The following MED12L variants were observed in gnomAD, a reference collection of about 807,000 sequenced individuals.
MED12L encodes the protein mediator complex subunit 12L.
In MED12L, 60 loss-of-function variants were observed where a neutral mutation model predicts 281.3. That is an observed-to-expected ratio of 0.21 (90% CI 0.17 to 0.26). The LOEUF (loss-of-function observed/expected upper bound fraction) is 0.26. MED12L is among the 10% of genes least tolerant of loss of function. The probability of loss-of-function intolerance (pLI) is 1.00; values close to 1 mark genes in which losing one functional copy is unlikely to be tolerated. For synonymous variants in MED12L, 974 were observed against 987.2 expected (o/e 0.99, Z 0.25); for missense variants, 2,146 against 2,680.9 (o/e 0.80, Z 4.41).
chr3:151,233,521 G>A (rs1732119743), intron 16 of MED12L, among the ~76,000 whole-genome samples: 1 of 152,212 alleles, frequency 6.6e-6, no homozygotes, highest in Non-Finnish European at 1.5e-5. Flanking sequence ...GTCACCTGAG[G>A]TGGGGAGTTT....
At chr3:151,189,101 G>A (rs569061307) in intron 13 of MED12L, among the ~76,000 whole-genome samples, 2 of 152,300 alleles carry the variant, frequency 1.3e-5, no homozygotes, top group South Asian at 4.1e-4. Flanking sequence ...GCAACAGGGA[G>A]GATCTTAAGG....
At position 151,192,566 on chromosome 3, in the gene MED12L, C is replaced by T. The variant is rs780172760; in HGVS notation, c.1985C>T (p.Ala662Val). The T allele has an allele frequency of 1.9e-5, 29 of 1,534,002 alleles. No individual in the cohort carries two copies. Among genetic ancestry groups the T allele is most frequent in the East Asian group, 1.5e-4 (6 of 40,898 alleles). ...DVKMEEQSIM[A>V]HMGIDSGTTN... is the part of the protein sequence containing the mutation. ...GATTATCAGGAACAGAGTATTATGG[C>T]GCATATGGGCATTGACTCAGGAACC... The change falls in exon 15 of 45, where the codon GCG becomes GTG. Residue 662 changes from alanine (A) to valine (V), a missense_variant. Physicochemically the swap from Ala to Val is moderately conservative, Grantham distance 64 (BLOSUM62 0). This residue lies in a region of MED12L where 722 missense variants were observed against 861.2 expected (regional missense o/e 0.84). Coordinates refer to ENST00000687756, the MANE Select transcript of MED12L (RefSeq NM_001393769.1).
chr3:151,379,987 A>T, intron 31 of MED12L, 126 bp from the exon 32 acceptor site: 1 of 585,334 alleles, frequency 1.7e-6, no homozygotes, highest in Non-Finnish European at 2.9e-6. Context: ...TTAAATTTTC[A>T]AGCAGTCTTT....
chr3:151,198,331 AGTTTTTTTTT>A, intron 16 of MED12L: 10 of 911,768 alleles, frequency 1.1e-5, no homozygotes, highest in Non-Finnish European at 1.6e-5. Context: ...TTTCATACTG[AGTTTTTTTTT>A]GTTTTTTTTT....
rs1252246248 is a variant in MED12L, at chr3:151,368,174, C to G, written c.3473C>G (p.Pro1158Arg). The G allele has an allele frequency of 6.2e-7, 1 of 1,613,960 alleles. No individual in the cohort carries two copies. The highest frequency in any genetic ancestry group is 8.5e-7 in the Non-Finnish European group (1 of 1,179,980). ...AAACGDADAE[P>R]GARMTCRLLL... ...GCTTGTGGGGATGCGGACGCCGAGC[C>G]TGGGGCGAGAATGACATGCCGACTC... Residue 1158 changes from proline (P) to arginine (R), a missense_variant, in exon 25 of 45, where the codon CCT (proline) becomes CGT (arginine). Around this residue, in one of 9 missense-constraint regions of MED12L, gnomAD observed 404 missense variants for 603.5 expected, o/e 0.67. Transcript: ENST00000687756.
rs189096904 is a variant in MED12L at position 151,158,721 on chromosome 3, A to G, written c.759A>G (p.Thr253=). The G allele has an allele frequency of 3.7e-4, 597 of 1,612,334 alleles. 2 individuals are homozygous for G. Among genetic ancestry groups the G allele is most frequent in the Non-Finnish European group, 1.3e-4 (158 of 1,178,994 alleles). ...TGTTAGAAAAACACGAATATTTGAC[A>G]TGGATCCTGGATGTTTTAGAAAAGA... ...EGMLEKHEYL[T]WILDVLEKIR... The change falls in exon 7 of 45, where the codon ACA becomes ACG. Residue 253 remains threonine (T), a synonymous_variant. Coordinates refer to ENST00000687756, the MANE Select transcript of MED12L (RefSeq NM_001393769.1).
At chr3:151,399,656 A>G (rs1218712065) in intron 39 of MED12L, among the ~76,000 whole-genome samples, 1 of 152,168 alleles carries the variant, frequency 6.6e-6, no homozygotes, top group African/African-American at 2.4e-5. Flanking sequence ...AATATAGAAT[A>G]TTGGTTATAA....
intron 16 of MED12L, among the ~76,000 whole-genome samples, chr3:151,237,485 G>A (rs920505123): frequency 7.3e-5 from 11 of 151,212 alleles, no homozygotes; most frequent in South Asian, 2.1e-4. Context: ...AAGTAGCTGG[G>A]ACTACAGGTG....
intron 38 of MED12L, among the ~76,000 whole-genome samples, chr3:151,393,501 C>T (rs1369274197): frequency 6.6e-6 from 1 of 150,948 alleles, no homozygotes; most frequent in Non-Finnish European, 1.5e-5. Flanking sequence ...TCCTGCTCCC[C>T]CACAACCCCC....
At chr3:151,388,950 G>A (rs1418382951) in intron 37 of MED12L, among the ~76,000 whole-genome samples, 1 of 152,156 alleles carries the variant, frequency 6.6e-6, no homozygotes, top group Admixed American at 6.5e-5. Context: ...GCTGCACAGT[G>A]GAAGAAATAT....
intron 13 of MED12L, among the ~76,000 whole-genome samples, chr3:151,189,284 T>G (rs1024578647): frequency 1.3e-5 from 2 of 152,120 alleles, no homozygotes; most frequent in African/African-American, 2.4e-5. Flanking sequence ...GACAAAGGGC[T>G]CTCTCAGTTA....
intron 16 of MED12L, chr3:151,327,050 A>T (rs1034763808): frequency 6.6e-6 from 1 of 152,222 alleles, no homozygotes; most frequent in Non-Finnish European, 1.5e-5. Context: ...AGGTCGTATT[A>T]TGGGAGATAC....
intron 16 of MED12L, chr3:151,293,978 A>G: frequency 1.8e-6 from 1 of 541,176 alleles, no homozygotes; most frequent in East Asian, 3.1e-5. Context: ...TAACCCTGCC[A>G]TTCACCCATA....
intron 5 of MED12L, among the ~76,000 whole-genome samples, chr3:151,132,126 AAGAC>A (rs1180668637): frequency 1.3e-5 from 2 of 152,218 alleles, no homozygotes; most frequent in South Asian, 2.1e-4. Flanking sequence ...GCTTTGAACT[AAGAC>A]AGGCCAAAGG....
rs146830772 is a variant in MED12L, at chr3:151,216,334, G to A, written c.2250+22668G>A. Reference sequence around the variant, plus strand: ...GTCAGAGAATGCATCTTTTTCATCTGTATTTGTGGTGCCAGCACAGTGCAT... The same window carrying A: ...GTCAGAGAATGCATCTTTTTCATCTATATTTGTGGTGCCAGCACAGTGCAT... On this transcript the variant is annotated intron_variant, in intron 16 of 44. Transcript: ENST00000687756. 4.6e-5 allele frequency among the ~76,000 whole-genome samples: 7 copies of A among 152,280 alleles called. No individual in the cohort carries two copies. In the East Asian group the frequency reaches 1.4e-3, roughly 29 times the overall value.
chr3:151,354,279 T>A (rs1753653829), intron 17 of MED12L, among the ~76,000 whole-genome samples: 1 of 152,086 alleles, frequency 6.6e-6, no homozygotes, highest in Non-Finnish European at 1.5e-5. Context: ...GGATTGAAGC[T>A]AGCTTTGGAT....
At chr3:151,188,266 C>T (rs1406121633) in intron 12 of MED12L, 88 bp from the exon 13 acceptor site, 2 of 1,059,320 alleles carry the variant, frequency 1.9e-6, no homozygotes, top group East Asian at 2.5e-5. Flanking sequence ...TACCTGAGCA[C>T]TTAAATGCCA....
intron 16 of MED12L, among the ~76,000 whole-genome samples, chr3:151,221,447 C>T (rs1405645632): frequency 6.6e-6 from 1 of 152,156 alleles, no homozygotes; most frequent in Non-Finnish European, 1.5e-5. Flanking sequence ...CCCATCACAT[C>T]GCAGGCCTGG....
intron 27 of MED12L, among the ~76,000 whole-genome samples, chr3:151,375,202 T>C (rs1756680574): frequency 6.6e-6 from 1 of 152,220 alleles, no homozygotes; most frequent in African/African-American, 2.4e-5. Context: ...ATTAGTCTGA[T>C]GTGGGCCCTG....
Sources: allele counts gnomAD v4.1 joint callset (sites outside exome capture counted in the v4.1 genomes callset), GRCh38; gene constraint gnomAD v4.1.1; regional missense constraint gnomAD v4.1.1; transcripts MANE v1.5; gene names NCBI Gene and HGNC (gene_info 2026-07-23, HGNC 2026-07-21).